The following HS2ST1 variants were observed in gnomAD, a reference collection of about 807,000 sequenced individuals.
The protein encoded by HS2ST1 is 2-O-sulfotransferase.
In HS2ST1, 18 loss-of-function variants were observed where a neutral mutation model predicts 42.9. The observed-to-expected ratio is 0.42, with a 90% CI of 0.29 to 0.62. The LOEUF (loss-of-function observed/expected upper bound fraction) is 0.62. Ranked by LOEUF, HS2ST1 falls within the 20% of genes least tolerant of loss-of-function variation. The probability of loss-of-function intolerance (pLI) is 0.21; values close to 1 mark genes in which losing one functional copy is unlikely to be tolerated. For missense variants in HS2ST1, 334 were observed against 433.8 expected, an observed-to-expected ratio of 0.77 and a Z score of 2.04; for synonymous variants, 146 against 152.9, an observed-to-expected ratio of 0.95 and a Z score of 0.33.
chr1:87,024,042 T>C (rs749471460), intron 1 of HS2ST1, among the ~76,000 whole-genome samples: 14 of 152,124 alleles, frequency 9.2e-5, no homozygotes, highest in Non-Finnish European at 1.9e-4. Context: ...GTAGAAGATA[T>C]AGGGAGACAG....
At chr1:87,075,239 G>A (rs566455114) in intron 2 of HS2ST1, among the ~76,000 whole-genome samples, 82 of 135,980 alleles carry the variant, frequency 6.0e-4, no homozygotes, top group Admixed American at 1.9e-3. Context: ...GTGCGATCTC[G>A]GCTCATTGCA....
intron 1 of HS2ST1, among the ~76,000 whole-genome samples, chr1:86,936,781 A>ACAG (rs1660662996): frequency 6.6e-6 from 1 of 152,112 alleles, no homozygotes; most frequent in South Asian, 2.1e-4. Flanking sequence ...GCATACGTTT[A>ACAG]TTCCATGGAA....
At chr1:86,970,165 CTT>C (rs1411597029) in intron 1 of HS2ST1, among the ~76,000 whole-genome samples, 1 of 151,216 alleles carries the variant, frequency 6.6e-6, no homozygotes, top group African/African-American at 2.4e-5. Context: ...AAAGAGACAA[CTT>C]TAACATTTTA....
At chr1:87,029,008 T>C (rs973483201) in intron 1 of HS2ST1, among the ~76,000 whole-genome samples, 4 of 152,178 alleles carry the variant, frequency 2.6e-5, no homozygotes, top group African/African-American at 4.8e-5. Context: ...AGGAACAAAC[T>C]TTCCCAAGTG....
At chr1:86,942,128 A>G (rs1051443980) in intron 1 of HS2ST1, among the ~76,000 whole-genome samples, 1 of 152,204 alleles carries the variant, frequency 6.6e-6, no homozygotes, top group Non-Finnish European at 1.5e-5. Flanking sequence ...CTATAAGGAG[A>G]CACAAAGGAT....
intron 1 of HS2ST1, among the ~76,000 whole-genome samples, chr1:87,006,993 T>C (rs1649458283): frequency 1.3e-5 from 2 of 152,052 alleles, no homozygotes; most frequent in Admixed American, 1.3e-4. Flanking sequence ...GAGAAGATAT[T>C]TTAGACTAAG....
rs367706682 is a variant in HS2ST1, at chr1:87,036,561, G to C, written c.125-36373G>C. The stretch of plus-strand genomic sequence containing the variant: ...AAAGACTCAAAGATGAGAAAACATG[G>C]ACTAGGTTATAGGAATGTAACAGTT... On this transcript the variant is annotated intron_variant, in intron 1 of 6. Coordinates refer to ENST00000370550, the MANE Select transcript of HS2ST1 (RefSeq NM_012262.4). Among the ~76,000 whole-genome samples, 7 of 152,252 alleles carry C rather than the reference G, an allele frequency of 4.6e-5. No individual in the cohort carries two copies. In the East Asian group the frequency reaches 9.6e-4, roughly 21 times the overall value.
chr1:86,948,839 T>G (rs1035163615), intron 1 of HS2ST1, among the ~76,000 whole-genome samples: 1 of 152,222 alleles, frequency 6.6e-6, no homozygotes, highest in Non-Finnish European at 1.5e-5. Flanking sequence ...CTAAATGTAC[T>G]TTGTTCAAGA....
At chr1:87,097,753 T>C in intron 4 of HS2ST1, 85 bp from the exon 5 acceptor site, 1 of 1,504,536 alleles carries the variant, frequency 6.6e-7, no homozygotes, top group Non-Finnish European at 9.1e-7. Flanking sequence ...CTCTGGCCCA[T>C]TTATTTAATA....
chr1:87,083,855 A>C (rs1042089778), intron 2 of HS2ST1, among the ~76,000 whole-genome samples: 1 of 152,228 alleles, frequency 6.6e-6, no homozygotes, highest in Non-Finnish European at 1.5e-5. Context: ...TGCCTGCTTT[A>C]GCATGTGTGT....
chr1:87,078,074 A>T (rs1243200451), intron 2 of HS2ST1, among the ~76,000 whole-genome samples: 1 of 152,228 alleles, frequency 6.6e-6, no homozygotes, highest in Non-Finnish European at 1.5e-5. Context: ...AAGTAAATGC[A>T]TGAGTGGGAG....
At chr1:86,919,651 G>A (rs1191494155) in intron 1 of HS2ST1, among the ~76,000 whole-genome samples, 1 of 152,114 alleles carries the variant, frequency 6.6e-6, no homozygotes, top group Non-Finnish European at 1.5e-5. Context: ...AGGTATCAGT[G>A]AATTCCCTGA....
chr1:86,947,080 A>T (rs532960148), intron 1 of HS2ST1, among the ~76,000 whole-genome samples: 1 of 152,342 alleles, frequency 6.6e-6, no homozygotes, highest in Non-Finnish European at 1.5e-5. Context: ...GAATGACATG[A>T]AGTGGGCTGG....
intron 1 of HS2ST1, among the ~76,000 whole-genome samples, chr1:86,931,045 A>G (rs757507650): frequency 1.3e-5 from 2 of 152,058 alleles, no homozygotes; most frequent in Non-Finnish European, 2.9e-5. Flanking sequence ...AAAGTTACTT[A>G]AATAAGAATG....
intron 1 of HS2ST1, among the ~76,000 whole-genome samples, chr1:87,036,284 G>A (rs1234001326): frequency 6.6e-6 from 1 of 152,148 alleles, no homozygotes; most frequent in East Asian, 1.9e-4. Context: ...TGTCTTTATA[G>A]CACATGATTT....
In HS2ST1 at chr1:86,943,830, A is replaced by G. The variant is rs563511726; in HGVS notation, c.124+28670A>G. 3.3e-5 allele frequency among the ~76,000 whole-genome samples: 5 copies of G among 152,256 alleles called. No homozygotes were observed. The South Asian group carries it at 1.0e-3, about 32-fold the overall frequency. On this transcript the variant is annotated intron_variant, in intron 1 of 6. Coordinates refer to ENST00000370550, the MANE Select transcript of HS2ST1 (RefSeq NM_012262.4). ...TACCTGAGATCAGGAGTTTGAGACC[A>G]GCCTGGCCAACATGGTGAAACCCCA...
intron 1 of HS2ST1, among the ~76,000 whole-genome samples, chr1:87,068,046 C>A (rs561353081): frequency 6.6e-6 from 1 of 152,008 alleles, no homozygotes; most frequent in African/African-American, 2.4e-5. Context: ...CTTGGCTATG[C>A]GGGGTCTTTT....
intron 1 of HS2ST1, among the ~76,000 whole-genome samples, chr1:87,069,076 A>G (rs536096201): frequency 6.6e-6 from 1 of 152,284 alleles, no homozygotes; most frequent in South Asian, 2.1e-4. Context: ...TCATCTTCAC[A>G]CTGAGCAGGC....
At chr1:86,979,742 C>T (rs1648523423) in intron 1 of HS2ST1, among the ~76,000 whole-genome samples, 1 of 152,194 alleles carries the variant, frequency 6.6e-6, no homozygotes, top group African/African-American at 2.4e-5. Context: ...ATTGCTCAGT[C>T]ATACGGTAAT....
Sources: gnomAD v4.1 joint callset for allele counts (sites outside exome capture counted in the v4.1 genomes callset) on GRCh38, gnomAD v4.1.1 for gene constraint, MANE v1.5 for transcripts, NCBI Gene and HGNC (gene_info 2026-07-23, HGNC 2026-07-21) for gene names.